ASF1B: variants seen among roughly 807,000 people sequenced by gnomAD.
The protein encoded by ASF1B is anti-silencing function 1B histone chaperone.
A neutral mutation model predicts 16.6 loss-of-function variants in ASF1B; 10 were observed. The observed-to-expected ratio is 0.60, with a 90% CI of 0.37 to 1.02. The LOEUF is 1.02. Ranked by LOEUF, ASF1B falls within the 50% of genes least tolerant of loss-of-function variation. The probability of loss-of-function intolerance (pLI) is 0.01; values close to 1 mark genes in which losing one functional copy is unlikely to be tolerated. For synonymous variants in ASF1B, 101 were observed against 106.2 expected, an observed-to-expected ratio of 0.95 and a Z score of 0.30; for missense variants, 240 against 266.0, an observed-to-expected ratio of 0.90 and a Z score of 0.68.
At chr19:14,129,898 G>A (rs529252946) in intron 1 of ASF1B, among the ~76,000 whole-genome samples, 14 of 149,954 alleles carry the variant, frequency 9.3e-5, no homozygotes, top group East Asian at 4.1e-4. Context: ...TTAGCCAGGC[G>A]TGGTGGCATG....
chr19:14,135,481 C>A (rs1967475985), intron 1 of ASF1B, among the ~76,000 whole-genome samples: 1 of 151,920 alleles, frequency 6.6e-6, no homozygotes, highest in Non-Finnish European at 1.5e-5. Context: ...GGGGTTGGGC[C>A]CCAACGAAGG....
chr19:14,126,321 T>C, intron 1 of ASF1B, 84 bp from the exon 2 acceptor site: 1 of 924,350 alleles, frequency 1.1e-6, no homozygotes, highest in Non-Finnish European at 1.7e-6. Flanking sequence ...TTTTTTTTTT[T>C]TGAGATGGAG....
At position 14,120,378 on chromosome 19, in the gene ASF1B, TC is replaced by T. The variant is rs1300805158; in HGVS notation, c.*80del. 1.4e-6 allele frequency: 2 copies of T among 1,415,906 alleles called. No homozygotes were observed. The highest frequency in any genetic ancestry group is 4.4e-5 in the Admixed American group (2 of 45,090). The allele number at this position is 1,415,906 out of a possible 1,614,324, so 87.7% of individuals were successfully genotyped here. On this transcript the variant is annotated 3_prime_UTR_variant, in exon 4 of 4. Coordinates refer to ENST00000263382, the MANE Select transcript of ASF1B (RefSeq NM_018154.3). ...GGATTGCAGCTGATGGCCCCCAAAGTCCTCTAGATGGGCCCTGCAGGACTCG... is the reference window on the plus strand; with the variant it reads ...GGATTGCAGCTGATGGCCCCCAAAGTCTCTAGATGGGCCCTGCAGGACTCG...
chr19:14,129,927 C>T (rs1463977107), intron 1 of ASF1B, among the ~76,000 whole-genome samples: 2 of 149,696 alleles, frequency 1.3e-5, no homozygotes, highest in Middle Eastern at 3.3e-3. Context: ...GTCTCAGCTA[C>T]TCGGGAGGCT....
intron 2 of ASF1B, among the ~76,000 whole-genome samples, chr19:14,123,076 AATGAAAAC>A (rs1231563386): frequency 2.6e-5 from 4 of 152,196 alleles, no homozygotes; most frequent in African/African-American, 9.7e-5. Flanking sequence ...ACCAATGCAA[AATGAAAAC>A]ACCACGCCCC....
rs746482179 is a variant in ASF1B at position 14,136,398 on chromosome 19, C to G, written c.59G>C (p.Ser20Thr). 5.0e-6 allele frequency: 8 copies of G among 1,613,742 alleles called. No homozygotes were observed. In the Admixed American group the frequency reaches 1.3e-4, roughly 27 times the overall value. Residue 20 changes from serine to threonine, a missense_variant, in exon 1 of 4, where the codon AGC (serine) becomes ACC (threonine). Transcript: ENST00000263382. Reference sequence around the variant, plus strand: ...GAAGCTGATCTCGAACCGGAAGGGGCTGTGGAAAGGGCTCGGGTTCTCCAG... The same window carrying G: ...GAAGCTGATCTCGAACCGGAAGGGGGTGTGGAAAGGGCTCGGGTTCTCCAG... The part of the protein sequence containing the change: ...AVLENPSPFH[S>T]PFRFEISFEC...
intron 2 of ASF1B, among the ~76,000 whole-genome samples, chr19:14,123,852 G>A (rs766666593): frequency 1.3e-5 from 2 of 149,016 alleles, no homozygotes; most frequent in Non-Finnish European, 3.0e-5. Flanking sequence ...GTGCAGTGGC[G>A]CAATCTCAGC....
In ASF1B at chr19:14,123,615, T is replaced by C. The variant is rs190418747; in HGVS notation, c.226-1907A>G. ...CAAGATGGTCTCAATCTCCTGACCT[T>C]GTGATCCGCCCACCTTGGCCTTCCA... On this transcript the variant is annotated intron_variant, in intron 2 of 3. Coordinates refer to ENST00000263382, the MANE Select transcript of ASF1B (RefSeq NM_018154.3). Among the ~76,000 whole-genome samples, 112 of 151,896 alleles carry C rather than the reference T, an allele frequency of 7.4e-4. 1 individual carries two copies. Among genetic ancestry groups the C allele is most frequent in the Admixed American group, 1.9e-3 (29 of 15,246 alleles).
In ASF1B at chr19:14,135,423, C is replaced by G. The variant is rs530913072; in HGVS notation, c.109+925G>C. 2.0e-4 allele frequency among the ~76,000 whole-genome samples: 31 copies of G among 152,120 alleles called. No homozygotes were observed. The East Asian group carries it at 6.0e-3, about 29-fold the overall frequency. ...GAAGGGGAGCTGGGGAGACAAAGTT[C>G]CCCTCAAAGACGGTAGCATCCTTTC... On this transcript the variant is annotated intron_variant, in intron 1 of 3. Coordinates refer to ENST00000263382, the MANE Select transcript of ASF1B (RefSeq NM_018154.3).
intron 1 of ASF1B, 76 bp downstream of exon 1, chr19:14,136,272 G>T: frequency 8.0e-7 from 1 of 1,245,126 alleles, no homozygotes; most frequent in Non-Finnish European, 1.1e-6. Flanking sequence ...AGATCAAGTT[G>T]GCCATGGGAG....
At position 14,120,291 on chromosome 19, in the gene ASF1B, C is replaced by G. The variant is rs1967213344; in HGVS notation, c.*168G>C. ...GTAGAGGAAAAGCGAGATCATCCTT[C>G]TGGCCAGGACTAGGGGAGACCCAAG... is the stretch of plus-strand genomic sequence containing the variant. On this transcript the variant is annotated 3_prime_UTR_variant, in exon 4 of 4. Coordinates refer to ENST00000263382, the MANE Select transcript of ASF1B (RefSeq NM_018154.3). The G allele has an allele frequency of 1.7e-6, 1 of 605,152 alleles. No homozygotes were observed. Among genetic ancestry groups the G allele is most frequent in the Non-Finnish European group, 2.8e-6 (1 of 350,880 alleles). The allele number at this position is 605,152 out of a possible 1,614,324, so 37.5% of individuals were successfully genotyped here. A position where few individuals can be genotyped will look rare whatever the true frequency, so the allele number is the denominator to read the frequency against.
intron 3 of ASF1B, 174 bp downstream of exon 3, chr19:14,121,358 G>T: frequency 1.6e-6 from 1 of 609,440 alleles, no homozygotes; most frequent in Non-Finnish European, 2.7e-6. Flanking sequence ...AATTCTCTAA[G>T]ACATGCCTTT....
At chr19:14,126,887 G>A (rs958910994) in intron 1 of ASF1B, among the ~76,000 whole-genome samples, 3 of 152,206 alleles carry the variant, frequency 2.0e-5, no homozygotes, top group Admixed American at 2.0e-4. Context: ...GATTACAGGT[G>A]TGAGCCACTG....
At chr19:14,128,404 T>G (rs1169392016) in intron 1 of ASF1B, among the ~76,000 whole-genome samples, 1 of 152,210 alleles carries the variant, frequency 6.6e-6, no homozygotes, top group Non-Finnish European at 1.5e-5. Flanking sequence ...ATAGCAGGTC[T>G]GTAGGATACG....
At chr19:14,124,600 C>A (rs1967290359) in intron 2 of ASF1B, among the ~76,000 whole-genome samples, 1 of 152,218 alleles carries the variant, frequency 6.6e-6, no homozygotes. Context: ...TTCACAGTCA[C>A]TTGCAGACAT....
chr19:14,121,051 C>T (rs1367860312), intron 3 of ASF1B, among the ~76,000 whole-genome samples: 1 of 151,442 alleles, frequency 6.6e-6, no homozygotes, highest in Admixed American at 6.6e-5. Context: ...AAACTCCTGA[C>T]CTCAGGTGAT....
intron 1 of ASF1B, 120 bp downstream of exon 1, chr19:14,136,228 G>A (rs1967496161): frequency 1.1e-5 from 8 of 754,558 alleles, no homozygotes; most frequent in Non-Finnish European, 1.3e-5. Flanking sequence ...GGAGATCGGG[G>A]TTGGCGGAAG....
At chr19:14,136,283 C>A in intron 1 of ASF1B, 65 bp downstream of exon 1, 1 of 1,404,400 alleles carries the variant, frequency 7.1e-7, no homozygotes, top group Non-Finnish European at 9.8e-7. Flanking sequence ...GCCATGGGAG[C>A]GGTTCTCTGA....
At chr19:14,133,344 C>G (rs143019600) in intron 1 of ASF1B, among the ~76,000 whole-genome samples, 7 of 152,160 alleles carry the variant, frequency 4.6e-5, no homozygotes, top group African/African-American at 1.7e-4. Context: ...CTGTGTGACT[C>G]TGGTGAAGTC....
Sources: gnomAD v4.1 joint callset for allele counts (sites outside exome capture counted in the v4.1 genomes callset) on GRCh38, gnomAD v4.1.1 for gene constraint, MANE v1.5 for transcripts, NCBI Gene and HGNC (gene_info 2026-07-23, HGNC 2026-07-21) for gene names.